STK39: variants seen among roughly 807,000 people sequenced by gnomAD.
STK39 encodes the protein serine/threonine kinase 39, also known as STE20/SPS1-related proline-alanine-rich protein kinase.
In STK39, 20 loss-of-function variants were observed where a neutral mutation model predicts 77.8. The observed-to-expected ratio is 0.26, with a 90% CI of 0.18 to 0.37. The LOEUF is 0.37. Ranked by LOEUF, STK39 falls within the 10% of genes least tolerant of loss-of-function variation. STK39 has a pLI of 1.00. For missense variants in STK39, 479 were observed against 656.5 expected, an observed-to-expected ratio of 0.73 and a Z score of 2.95; for synonymous variants, 246 against 234.1, an observed-to-expected ratio of 1.05 and a Z score of -0.47.
chr2:168,167,436 A>G, intron 2 of STK39, 29 bp from the exon 3 acceptor site: 1 of 1,596,420 alleles, frequency 6.3e-7, no homozygotes, highest in Non-Finnish European at 8.6e-7. Context: ...ATGACATAGT[A>G]CCATGGGGTG....
intron 1 of STK39, among the ~76,000 whole-genome samples, chr2:168,238,265 A>G (rs1242258224): frequency 2.0e-5 from 3 of 152,254 alleles, no homozygotes; most frequent in Non-Finnish European, 2.9e-5. Context: ...CACAGGGCAG[A>G]AAGTCATCCA....
chr2:168,161,746 T>A (rs1447986453), intron 5 of STK39, 41 bp downstream of exon 5: 4 of 1,454,316 alleles, frequency 2.8e-6, no homozygotes, highest in Non-Finnish European at 2.9e-6. Flanking sequence ...CTGTAACACT[T>A]CCGTAATCAA....
At chr2:168,226,403 G>A (rs1047604636) in intron 1 of STK39, among the ~76,000 whole-genome samples, 5 of 152,042 alleles carry the variant, frequency 3.3e-5, no homozygotes, top group Non-Finnish European at 7.4e-5. Flanking sequence ...GGTAATTTTA[G>A]TGAGTCCCTG....
chr2:167,978,370 T>C lies in STK39; in HGVS notation c.1499-13644A>G, dbSNP rs561550742. 1.6e-3 allele frequency among the ~76,000 whole-genome samples: 237 copies of C among 152,288 alleles called. 2 individuals carry two copies. The highest frequency in any genetic ancestry group is 3.4e-3 in the Middle Eastern group (1 of 294). On this transcript the variant is annotated intron_variant, in intron 16 of 17. Coordinates refer to ENST00000355999, the MANE Select transcript of STK39 (RefSeq NM_013233.3). ...AAACTAAATACCATCCCAAGGTTAA[T>C]GGCCTACTCCCAGGAATAAGCAAGG...
In STK39 at chr2:167,961,560, G is replaced by A. The variant is rs558802404; in HGVS notation, c.1563+3102C>T. Among the ~76,000 whole-genome samples the A allele has an allele frequency of 2.0e-5, 3 of 152,088 alleles. No homozygotes were observed. The East Asian group carries it at 5.8e-4, about 29-fold the overall frequency. Reference sequence around the variant, plus strand: ...GCTTAAAAATAAAGACCTGTCTCAAGGTTTACAACAATAAAACACTACTAA... The same window carrying A: ...GCTTAAAAATAAAGACCTGTCTCAAAGTTTACAACAATAAAACACTACTAA... On this transcript the variant is annotated intron_variant, in intron 17 of 17. Transcript: ENST00000355999.
At chr2:168,137,149 A>C (rs1338203366) in intron 8 of STK39, among the ~76,000 whole-genome samples, 1 of 152,246 alleles carries the variant, frequency 6.6e-6, no homozygotes, top group Non-Finnish European at 1.5e-5. Context: ...ATAAAAATTT[A>C]AGATCAAAAT....
Position 168,226,748 on chromosome 2 carries a change from G to T in STK39, c.208+20480C>A, listed in dbSNP as rs543085078. ...CTTACCTTTAAGGTCAGTAATGGGA[G>T]CAAATAAGCTAGCATTTAATTAGTA... On this transcript the variant is annotated intron_variant, in intron 1 of 17. Coordinates refer to ENST00000355999, the MANE Select transcript of STK39 (RefSeq NM_013233.3). 2.6e-5 allele frequency among the ~76,000 whole-genome samples: 4 copies of T among 152,158 alleles called. No individual in the cohort carries two copies. In the South Asian group the frequency reaches 8.3e-4, roughly 32 times the overall value.
At chr2:168,052,791 C>T (rs1317060008) in intron 14 of STK39, among the ~76,000 whole-genome samples, 1 of 152,156 alleles carries the variant, frequency 6.6e-6, no homozygotes, top group South Asian at 2.1e-4. Context: ...AATAAGCTTT[C>T]GAAGGAAGTA....
At chr2:168,214,183 G>T (rs1485746616) in intron 1 of STK39, among the ~76,000 whole-genome samples, 2 of 151,816 alleles carry the variant, frequency 1.3e-5, no homozygotes, top group African/African-American at 4.8e-5. Context: ...GCAGAACAGG[G>T]TGATGACGGT....
intron 8 of STK39, among the ~76,000 whole-genome samples, chr2:168,133,496 C>T (rs1246798540): frequency 6.6e-6 from 1 of 152,088 alleles, no homozygotes; most frequent in East Asian, 1.9e-4. Context: ...GTGTTTATCA[C>T]TTTGGGATAA....
intron 14 of STK39, among the ~76,000 whole-genome samples, chr2:168,045,469 C>T (rs955795433): frequency 7.9e-5 from 12 of 151,864 alleles, no homozygotes; most frequent in Non-Finnish European, 1.8e-4. Flanking sequence ...GAACTATTCT[C>T]CACATGCTGT....
At chr2:168,013,696 C>T (rs536708898) in intron 15 of STK39, among the ~76,000 whole-genome samples, 6 of 152,180 alleles carry the variant, frequency 3.9e-5, no homozygotes, top group Non-Finnish European at 8.8e-5. Flanking sequence ...AGCATCTAAA[C>T]GAAATTGCGG....
At chr2:168,027,803 AG>A (rs1353867196) in intron 14 of STK39, among the ~76,000 whole-genome samples, 4 of 152,188 alleles carry the variant, frequency 2.6e-5, no homozygotes, top group African/African-American at 9.7e-5. Context: ...GGACCCTTTT[AG>A]GTTTGCGGCC....
At chr2:168,093,457 A>G (rs762912077) in intron 10 of STK39, among the ~76,000 whole-genome samples, 19 of 152,142 alleles carry the variant, frequency 1.2e-4, no homozygotes, top group Admixed American at 3.9e-4. Flanking sequence ...AGATCTCATG[A>G]GACTTATTCA....
At chr2:168,002,837 C>T (rs1684035416) in intron 16 of STK39, among the ~76,000 whole-genome samples, 1 of 151,986 alleles carries the variant, frequency 6.6e-6, no homozygotes. Context: ...CGTTTGTGTT[C>T]GTGTGTGTGT....
chr2:168,182,353 T>A (rs1428808656), intron 1 of STK39, among the ~76,000 whole-genome samples: 1 of 152,136 alleles, frequency 6.6e-6, no homozygotes, highest in Non-Finnish European at 1.5e-5. Flanking sequence ...CAACCTTGCA[T>A]GAAAGCCATT....
At chr2:168,171,421 TG>T (rs1334513264) in intron 2 of STK39, among the ~76,000 whole-genome samples, 1 of 150,268 alleles carries the variant, frequency 6.7e-6, no homozygotes, top group African/African-American at 2.5e-5. Flanking sequence ...TATGAGGAGT[TG>T]GGAGGAAAAA....
At chr2:168,004,724 C>A (rs567199366) in intron 16 of STK39, among the ~76,000 whole-genome samples, 5 of 127,104 alleles carry the variant, frequency 3.9e-5, no homozygotes, top group Non-Finnish European at 7.8e-5. Flanking sequence ...CAGAGTGAGA[C>A]TCCATCTCAA....
intron 1 of STK39, among the ~76,000 whole-genome samples, chr2:168,229,679 TA>T (rs979208621): frequency 6.6e-6 from 1 of 152,208 alleles, no homozygotes; most frequent in Non-Finnish European, 1.5e-5. Flanking sequence ...GATAACGTGT[TA>T]TTTTTCGGGC....
Sources: gnomAD v4.1 joint callset for allele counts (sites outside exome capture counted in the v4.1 genomes callset) on GRCh38, gnomAD v4.1.1 for gene constraint, MANE v1.5 for transcripts, NCBI Gene and HGNC (gene_info 2026-07-23, HGNC 2026-07-21) for gene names.